The following CAMK2B variants were observed in gnomAD, a reference collection of about 807,000 sequenced individuals.
The protein encoded by CAMK2B is calcium/calmodulin dependent protein kinase II beta.
A neutral mutation model predicts 93.7 loss-of-function variants in CAMK2B; 27 were observed. The observed-to-expected ratio is 0.29, with a 90% CI of 0.21 to 0.40. The LOEUF (loss-of-function observed/expected upper bound fraction) is 0.40, where lower values mean the gene tolerates loss of function less well. Ranked by LOEUF, CAMK2B falls within the 10% of genes least tolerant of loss-of-function variation. CAMK2B has a pLI of 1.00. For missense variants in CAMK2B, 568 were observed against 895.8 expected (o/e 0.63, Z 4.67); for synonymous variants, 374 against 358.8 (o/e 1.04, Z -0.48).
chr7:44,317,581 CCTCT>C (rs1795118511), intron 1 of CAMK2B, among the ~76,000 whole-genome samples: 1 of 152,138 alleles, frequency 6.6e-6, no homozygotes, highest in Non-Finnish European at 1.5e-5. Flanking sequence ...CCGCACCAGG[CCTCT>C]GAATGATATT....
intron 10 of CAMK2B, 64 bp from the exon 11 acceptor site, chr7:44,241,847 C>T: frequency 7.2e-7 from 1 of 1,396,026 alleles, no homozygotes; most frequent in South Asian, 1.2e-5. Context: ...GCCAGGGTGG[C>T]AAGGCTTGTG....
In CAMK2B at chr7:44,278,151, G is replaced by A. The variant is rs534034162; in HGVS notation, c.160+5980C>T. 1.1e-3 allele frequency among the ~76,000 whole-genome samples: 162 copies of A among 152,298 alleles called. 1 individual carries two copies. The highest frequency in any genetic ancestry group is 3.7e-3 in the African/African-American group (154 of 41,570). ...CAGGGTGGCAGGCTGCCCGTGGGAC[G>A]ATCCAGGACAGCTTCATGGAGGAGG... On this transcript the variant is annotated intron_variant, in intron 2 of 23. Coordinates refer to ENST00000395749, the MANE Select transcript of CAMK2B (RefSeq NM_001220.5).
At position 44,290,224 on chromosome 7, in the gene CAMK2B, C is replaced by A. The variant is rs139372872; in HGVS notation, c.66-5999G>T. Among the ~76,000 whole-genome samples the A allele has an allele frequency of 3.6e-3, 543 of 152,334 alleles. 5 individuals carry two copies. The highest frequency in any genetic ancestry group is 0.012 in the African/African-American group (512 of 41,590). On this transcript the variant is annotated intron_variant, in intron 1 of 23. Coordinates refer to ENST00000395749, the MANE Select transcript of CAMK2B (RefSeq NM_001220.5). ...AGAATTTTAGAAAGAAGCTGAGGAG[C>A]CCTGAGTAAAAGCAAAAGATCCAAG...
At chr7:44,301,000 T>C (rs1789847077) in intron 1 of CAMK2B, among the ~76,000 whole-genome samples, 1 of 152,094 alleles carries the variant, frequency 6.6e-6, no homozygotes, top group Non-Finnish European at 1.5e-5. Context: ...CCAAAATACA[T>C]GGAAACACCA....
chr7:44,257,430 T>C (rs2096843639), intron 4 of CAMK2B, among the ~76,000 whole-genome samples: 1 of 152,202 alleles, frequency 6.6e-6, no homozygotes, highest in Non-Finnish European at 1.5e-5. Flanking sequence ...CACACACACA[T>C]GCACGAACAC....
Position 44,264,702 on chromosome 7 carries a change from C to A in CAMK2B, c.161-1638G>T, listed in dbSNP as rs544454429. 2.0e-5 allele frequency among the ~76,000 whole-genome samples: 3 copies of A among 152,328 alleles called. No homozygotes were observed. In the South Asian group the frequency reaches 6.2e-4, roughly 32 times the overall value. ...GCACGGTCTTCCAGAATACTCCAGTCCCTGCTCCCCCTCCCTCCCCTCTCC... is the reference window on the plus strand; with the variant it reads ...GCACGGTCTTCCAGAATACTCCAGTACCTGCTCCCCCTCCCTCCCCTCTCC... On this transcript the variant is annotated intron_variant, in intron 2 of 23. Transcript: ENST00000395749.
chr7:44,267,790 C>A (rs1225188560), intron 2 of CAMK2B, among the ~76,000 whole-genome samples: 1 of 152,236 alleles, frequency 6.6e-6, no homozygotes, highest in African/African-American at 2.4e-5. Context: ...CAACAAAAAA[C>A]CCCATAAACA....
chr7:44,244,050 T>G (rs563789162), intron 6 of CAMK2B, among the ~76,000 whole-genome samples: 2 of 152,258 alleles, frequency 1.3e-5, no homozygotes, highest in East Asian at 1.9e-4. Context: ...TATTTCCTGC[T>G]GAGATGGTGA....
chr7:44,260,916 C>G (rs2096874122), intron 3 of CAMK2B, among the ~76,000 whole-genome samples: 1 of 152,194 alleles, frequency 6.6e-6, no homozygotes, highest in Non-Finnish European at 1.5e-5. Flanking sequence ...GGGCGGAGGG[C>G]AACTCTTACC....
chr7:44,305,689 G>T (rs955754606), intron 1 of CAMK2B, among the ~76,000 whole-genome samples: 2 of 152,222 alleles, frequency 1.3e-5, no homozygotes, highest in African/African-American at 4.8e-5. Context: ...AGAGTGGGAA[G>T]AAGCAGGGCC....
chr7:44,276,855 C>T (rs2097049903), intron 2 of CAMK2B, among the ~76,000 whole-genome samples: 2 of 152,200 alleles, frequency 1.3e-5, no homozygotes. Context: ...TAGGGGACCC[C>T]GTCCACCTCT....
intron 6 of CAMK2B, among the ~76,000 whole-genome samples, chr7:44,246,057 C>G (rs1406563668): frequency 6.6e-6 from 1 of 152,076 alleles, no homozygotes; most frequent in African/African-American, 2.4e-5. Context: ...GGGGGGTGAC[C>G]AACCTTCTTC....
At chr7:44,305,768 C>T (rs1020746055) in intron 1 of CAMK2B, among the ~76,000 whole-genome samples, 5 of 152,340 alleles carry the variant, frequency 3.3e-5, no homozygotes, top group Non-Finnish European at 4.4e-5. Context: ...CTCCATCACT[C>T]GGTCACGCTG....
chr7:44,249,999 G>A (rs1331565133), intron 5 of CAMK2B, among the ~76,000 whole-genome samples: 2 of 152,170 alleles, frequency 1.3e-5, no homozygotes, highest in South Asian at 2.1e-4. Context: ...GGTATGACGG[G>A]GACTTGGCAC....
In CAMK2B at chr7:44,276,363, G is replaced by GA. The variant is rs537218866; in HGVS notation, c.160+7767dup. On this transcript the variant is annotated intron_variant, in intron 2 of 23. Transcript: ENST00000395749. ...GAGCAGGGGTCGTTTTCTGGCTGTG[G>GA]ATTGCGCGGGAGCCACAAGAAAACT... 3.9e-4 allele frequency among the ~76,000 whole-genome samples: 59 copies of GA among 152,294 alleles called. 1 individual carries two copies. The South Asian group carries it at 0.012, about 32-fold the overall frequency.
At chr7:44,242,408 A>C (rs1456709556) in intron 9 of CAMK2B, 68 bp from the exon 10 acceptor site, 1 of 1,578,606 alleles carries the variant, frequency 6.3e-7, no homozygotes, top group Non-Finnish European at 8.6e-7. Flanking sequence ...GAATTCTCCA[A>C]GGGGCTTCAT....
intron 2 of CAMK2B, among the ~76,000 whole-genome samples, chr7:44,282,032 C>T (rs142729347): frequency 5.3e-5 from 8 of 152,334 alleles, no homozygotes; most frequent in African/African-American, 1.9e-4. Context: ...CTCTACCATG[C>T]TCCACACATG....
chr7:44,277,318 C>T (rs60417995), intron 2 of CAMK2B, among the ~76,000 whole-genome samples: 3,528 of 152,222 alleles, frequency 0.023, 128 homozygotes, highest in African/African-American at 0.08. Flanking sequence ...GTACATTCAC[C>T]AACTTTGAAT....
chr7:44,246,989 C>G, intron 6 of CAMK2B, 131 bp downstream of exon 6: 1 of 612,812 alleles, frequency 1.6e-6, no homozygotes, highest in Admixed American at 2.5e-5. Flanking sequence ...CACACAAGGA[C>G]ACACACACAC....
Sources: allele counts gnomAD v4.1 joint callset (sites outside exome capture counted in the v4.1 genomes callset), GRCh38; gene constraint gnomAD v4.1.1; transcripts MANE v1.5; gene names NCBI Gene and HGNC (gene_info 2026-07-23, HGNC 2026-07-21).